Variants in GRIA3 observed in about 807,000 individuals in gnomAD.
The protein encoded by GRIA3 is glutamate ionotropic receptor AMPA type subunit 3, also known as glutamate receptor 3.
In GRIA3, 3 loss-of-function variants were observed where a neutral mutation model predicts 63.0. The ratio of observed to expected loss-of-function variants is 0.05; its 90% confidence interval spans 0.02 to 0.12. The LOEUF is 0.12. Ranked by LOEUF, GRIA3 falls within the 10% of genes least tolerant of loss-of-function variation. The probability of loss-of-function intolerance (pLI) is 1.00; values close to 1 mark genes in which losing one functional copy is unlikely to be tolerated. For synonymous variants in GRIA3, 274 were observed against 257.9 expected, an observed-to-expected ratio of 1.06 and a Z score of -0.60; for missense variants, 347 against 700.9, an observed-to-expected ratio of 0.50 and a Z score of 5.70.
intron 2 of GRIA3, among the ~76,000 whole-genome samples, chrX:123,239,348 C>A (rs1263282317): frequency 9.0e-6 from 1 of 110,517 alleles, no homozygotes; most frequent in Non-Finnish European, 1.9e-5. Context: ...TCTGACAAAC[C>A]AATCCATACT....
intron 3 of GRIA3, among the ~76,000 whole-genome samples, chrX:123,265,476 A>T (rs2044482514): frequency 8.9e-6 from 1 of 112,177 alleles, no homozygotes; most frequent in South Asian, 3.7e-4. Flanking sequence ...AAAGAAGAGA[A>T]AATATATTTA....
Position 123,326,984 on chromosome X carries a change from T to G in GRIA3, c.696+771T>G, listed in dbSNP as rs2044909959. Reference sequence around the variant, plus strand: ...AGACTCTGTCTCAAAAAAAAAATTATGTGAAACCCCATCTCTGTTAGAAAT... The same window carrying G: ...AGACTCTGTCTCAAAAAAAAAATTAGGTGAAACCCCATCTCTGTTAGAAAT... On this transcript the variant is annotated intron_variant, in intron 4 of 15. Coordinates refer to ENST00000620443, the MANE Select transcript of GRIA3 (RefSeq NM_007325.5). Among the ~76,000 whole-genome samples, 3 of 108,962 alleles carry G rather than the reference T, an allele frequency of 2.8e-5. No individual in the cohort carries two copies. In the South Asian group the frequency reaches 1.2e-3, roughly 44 times the overall value. 94.6% of individuals were successfully genotyped at this position (108,962 alleles called of 115,157 possible).
chrX:123,307,837 C>G (rs186465149), intron 3 of GRIA3, among the ~76,000 whole-genome samples: 3 of 111,391 alleles, frequency 2.7e-5, no homozygotes, highest in Non-Finnish European at 5.7e-5. Flanking sequence ...GGAAAGGCAA[C>G]GGACAACAGG....
At chrX:123,363,296 A>T (rs1358414545) in intron 5 of GRIA3, among the ~76,000 whole-genome samples, 2 of 112,215 alleles carry the variant, frequency 1.8e-5, no homozygotes, top group Non-Finnish European at 3.8e-5. Context: ...CACCCAACTT[A>T]TCTTGTCTCT....
At chrX:123,435,304 G>A (rs1310481051) in intron 12 of GRIA3, among the ~76,000 whole-genome samples, 1 of 111,979 alleles carries the variant, frequency 8.9e-6, no homozygotes, top group Non-Finnish European at 1.9e-5. Flanking sequence ...CCCTCTTGGA[G>A]CTCACAATCT....
intron 5 of GRIA3, among the ~76,000 whole-genome samples, chrX:123,389,366 G>A (rs1484091379): frequency 8.9e-6 from 1 of 111,824 alleles, no homozygotes. Context: ...CTGTTTAGTT[G>A]TAATAGTATT....
At chrX:123,255,605 C>T (rs2044415337) in intron 3 of GRIA3, among the ~76,000 whole-genome samples, 1 of 104,603 alleles carries the variant, frequency 9.6e-6, no homozygotes, top group Non-Finnish European at 1.9e-5. Flanking sequence ...TCTAGTGTGA[C>T]CCTTCTCTGC....
intron 13 of GRIA3, among the ~76,000 whole-genome samples, chrX:123,471,838 G>A (rs1026373317): frequency 3.8e-5 from 4 of 104,915 alleles, no homozygotes; most frequent in African/African-American, 6.9e-5. Context: ...TCTAGAGAGC[G>A]GTATAGCATT....
intron 3 of GRIA3, among the ~76,000 whole-genome samples, chrX:123,322,562 T>G (rs997358283): frequency 9.0e-6 from 1 of 111,530 alleles, no homozygotes; most frequent in African/African-American, 3.3e-5. Flanking sequence ...TGTCAAATTT[T>G]TCTCTTTTTT....
At chrX:123,189,541 A>C (rs1569395091) in intron 2 of GRIA3, among the ~76,000 whole-genome samples, 1 of 112,387 alleles carries the variant, frequency 8.9e-6, no homozygotes, top group Non-Finnish European at 1.9e-5. Context: ...GTGTCAGCTC[A>C]TTAGCACACA....
chrX:123,230,560 C>A (rs904373049), intron 2 of GRIA3, among the ~76,000 whole-genome samples: 14 of 111,125 alleles, frequency 1.3e-4, no homozygotes, highest in African/African-American at 4.6e-4. Context: ...AGTCCTCAAA[C>A]CATATCATGT....
At chrX:123,258,666 G>A (rs770263027) in intron 3 of GRIA3, among the ~76,000 whole-genome samples, 3 of 111,339 alleles carry the variant, frequency 2.7e-5, no homozygotes, top group East Asian at 2.8e-4. Context: ...GAAAGAATCC[G>A]GCCCAGCTGT....
chrX:123,340,667 A>T (rs1299990255), intron 4 of GRIA3, among the ~76,000 whole-genome samples: 1 of 112,489 alleles, frequency 8.9e-6, no homozygotes, highest in Non-Finnish European at 1.9e-5. Flanking sequence ...AATTAAATAA[A>T]TATGCTTCTT....
chrX:123,229,232 A>G (rs189512063), intron 2 of GRIA3, among the ~76,000 whole-genome samples: 1 of 111,552 alleles, frequency 9.0e-6, no homozygotes, highest in East Asian at 2.8e-4. Flanking sequence ...GACTCCCCAG[A>G]TTGATGTGCT....
chrX:123,290,443 T>G (rs1418954964), intron 3 of GRIA3, among the ~76,000 whole-genome samples: 1 of 111,199 alleles, frequency 9.0e-6, no homozygotes, highest in Non-Finnish European at 1.9e-5. Context: ...CAGAAAACAC[T>G]ATGGAGATAT....
chrX:123,256,308 T>C (rs2044419638), intron 3 of GRIA3, among the ~76,000 whole-genome samples: 1 of 111,452 alleles, frequency 9.0e-6, no homozygotes, highest in Admixed American at 9.5e-5. Context: ...ATTCTAATGA[T>C]GGAGATAGAC....
At chrX:123,266,775 T>C (rs1285522556) in intron 3 of GRIA3, among the ~76,000 whole-genome samples, 1 of 111,942 alleles carries the variant, frequency 8.9e-6, no homozygotes, top group East Asian at 2.8e-4. Context: ...CATATGGAAC[T>C]ATGCTACTTT....
intron 13 of GRIA3, among the ~76,000 whole-genome samples, chrX:123,476,638 T>C (rs189190819): frequency 8.9e-6 from 1 of 111,747 alleles, no homozygotes; most frequent in East Asian, 2.8e-4. Flanking sequence ...GCTGTGCTGC[T>C]GCTTGAAATG....
chrX:123,279,080 G>T (rs1340246530), intron 3 of GRIA3, among the ~76,000 whole-genome samples: 5 of 111,379 alleles, frequency 4.5e-5, no homozygotes, highest in Non-Finnish European at 9.4e-5. Context: ...CTATTTATTT[G>T]TGTCTTCTTC....
Sources: allele counts gnomAD v4.1 joint callset (sites outside exome capture counted in the v4.1 genomes callset), GRCh38; gene constraint gnomAD v4.1.1; transcripts MANE v1.5; gene names NCBI Gene and HGNC (gene_info 2026-07-23, HGNC 2026-07-21).